Variants in PCLO observed in about 807,000 individuals in gnomAD.
PCLO encodes the protein piccolo presynaptic cytomatrix protein.
PCLO carries 82 observed loss-of-function variants against 427.5 expected under a neutral mutation model. The observed-to-expected ratio is 0.19, with a 90% CI of 0.16 to 0.23. The LOEUF (loss-of-function observed/expected upper bound fraction) is 0.23, where lower values mean the gene tolerates loss of function less well. Ranked by LOEUF, PCLO falls within the 10% of genes least tolerant of loss-of-function variation. PCLO has a pLI of 1.00. For synonymous variants in PCLO, 2,357 were observed against 2,155.4 expected (o/e 1.09, Z -2.59); for missense variants, 6,239 against 6,115.9 (o/e 1.02, Z -0.67).
At chr7:82,987,110 G>T (rs1025311158) in intron 3 of PCLO, among the ~76,000 whole-genome samples, 3 of 151,918 alleles carry the variant, frequency 2.0e-5, no homozygotes, top group Non-Finnish European at 4.4e-5. Context: ...CATGTAATTT[G>T]TGTACCTGTT....
intron 3 of PCLO, among the ~76,000 whole-genome samples, chr7:82,972,156 C>T (rs1281351914): frequency 6.6e-6 from 1 of 151,834 alleles, no homozygotes; most frequent in Non-Finnish European, 1.5e-5. Flanking sequence ...CAAATTTATT[C>T]AATTGTCAGC....
rs898279485 is a variant in PCLO at position 82,993,205 on chromosome 7, A to G, written c.3301-26718T>C. 2.0e-5 allele frequency among the ~76,000 whole-genome samples: 3 copies of G among 152,154 alleles called. No individual in the cohort carries two copies. The East Asian group carries it at 5.8e-4, about 29-fold the overall frequency. On this transcript the variant is annotated intron_variant, in intron 3 of 24. Transcript: ENST00000333891. ...CATTATAAAATTTCTTATATTGGCT[A>G]AATTTTTTCATATGTCTTACTCAAA...
At chr7:82,941,351 C>T (rs1387372030) in intron 6 of PCLO, among the ~76,000 whole-genome samples, 1 of 152,132 alleles carries the variant, frequency 6.6e-6, no homozygotes, top group Non-Finnish European at 1.5e-5. Context: ...CACCTTACCA[C>T]ACCACACTTG....
intron 6 of PCLO, among the ~76,000 whole-genome samples, chr7:82,939,084 A>G (rs943113064): frequency 6.6e-6 from 1 of 152,098 alleles, no homozygotes; most frequent in Non-Finnish European, 1.5e-5. Context: ...CCATTCTTAC[A>G]GCAAATCACT....
At chr7:83,110,496 T>C (rs1459868634) in intron 3 of PCLO, among the ~76,000 whole-genome samples, 5 of 152,124 alleles carry the variant, frequency 3.3e-5, no homozygotes, top group Non-Finnish European at 7.4e-5. Context: ...TTGTTCTTCT[T>C]TCCTGACAAA....
At chr7:82,827,430 C>T (rs2115683481) in intron 17 of PCLO, among the ~76,000 whole-genome samples, 1 of 152,044 alleles carries the variant, frequency 6.6e-6, no homozygotes, top group East Asian at 1.9e-4. Context: ...TAGGAGGCCT[C>T]AATTTAGCAA....
In PCLO at chr7:83,156,164, C is replaced by T. The variant is rs1792291888; in HGVS notation, c.477G>A (p.Glu159=). ...AGGAAACAGCACTTAAAGCGTTAAC[C>T]TCTGAGAGGAAGCCAGGCATCATAC... The part of the protein sequence containing the change: ...KSSMMPGFLS[E]VNALSAVSSV... Residue 159 remains glutamate (E), a synonymous_variant, in exon 2 of 25, where the codon GAG becomes GAA. Coordinates refer to ENST00000333891, the MANE Select transcript of PCLO (RefSeq NM_033026.6). The T allele has an allele frequency of 6.2e-7, 1 of 1,613,704 alleles. No homozygotes were observed. Among genetic ancestry groups the T allele is most frequent in the Non-Finnish European group, 8.5e-7 (1 of 1,179,762 alleles).
intron 8 of PCLO, among the ~76,000 whole-genome samples, chr7:82,907,251 T>G (rs1263351684): frequency 6.6e-6 from 1 of 152,016 alleles, no homozygotes; most frequent in East Asian, 1.9e-4. Flanking sequence ...CTAAACAAGC[T>G]GCCCTGTTTA....
intron 20 of PCLO, among the ~76,000 whole-genome samples, chr7:82,816,999 A>G (rs1249521526): frequency 6.6e-6 from 1 of 152,194 alleles, no homozygotes; most frequent in East Asian, 1.9e-4. Flanking sequence ...TTAAATGACT[A>G]TAGAAATATT....
intron 10 of PCLO, among the ~76,000 whole-genome samples, chr7:82,861,819 G>A (rs1792964048): frequency 6.6e-6 from 1 of 151,876 alleles, no homozygotes; most frequent in Non-Finnish European, 1.5e-5. Context: ...ATAACCAGAG[G>A]AATTTTGGAA....
intron 3 of PCLO, among the ~76,000 whole-genome samples, chr7:83,000,048 A>T (rs1454142470): frequency 1.3e-5 from 1 of 79,908 alleles, no homozygotes; most frequent in Non-Finnish European, 2.1e-5. Flanking sequence ...CAAAAAACAA[A>T]AAACAAACAA....
chr7:83,007,551 A>ATTATG (rs1787977916), intron 3 of PCLO, among the ~76,000 whole-genome samples: 1 of 151,800 alleles, frequency 6.6e-6, no homozygotes, highest in African/African-American at 2.4e-5. Context: ...ATAGAGAAAT[A>ATTATG]TTATGTAGCA....
intron 3 of PCLO, among the ~76,000 whole-genome samples, chr7:82,990,017 TGAGA>T (rs1796341609): frequency 6.6e-6 from 1 of 152,080 alleles, no homozygotes; most frequent in Non-Finnish European, 1.5e-5. Flanking sequence ...GATCAAGTAA[TGAGA>T]GAGACTGAAG....
chr7:82,924,653 T>A (rs544795570), intron 6 of PCLO, among the ~76,000 whole-genome samples: 4 of 152,126 alleles, frequency 2.6e-5, no homozygotes, highest in African/African-American at 9.6e-5. Flanking sequence ...ATAAGAAGGA[T>A]CAATGATGTA....
intron 6 of PCLO, among the ~76,000 whole-genome samples, chr7:82,928,508 G>A (rs2116328640): frequency 6.6e-6 from 1 of 152,204 alleles, no homozygotes; most frequent in African/African-American, 2.4e-5. Context: ...AGCCTCCCGA[G>A]TAGCTGGGAT....
chr7:83,020,581 CAAG>C (rs1329601460), intron 3 of PCLO, among the ~76,000 whole-genome samples: 5 of 152,266 alleles, frequency 3.3e-5, no homozygotes, highest in Non-Finnish European at 5.9e-5. Context: ...AAGAACATAG[CAAG>C]AAGGTCTTAC....
At chr7:83,159,745 C>T (rs1792386866) in intron 1 of PCLO, among the ~76,000 whole-genome samples, 1 of 151,844 alleles carries the variant, frequency 6.6e-6, no homozygotes, top group South Asian at 2.1e-4. Flanking sequence ...TGCTGAGTCA[C>T]ATAAAATTTT....
chr7:82,756,785 A>G lies in PCLO; in HGVS notation c.*1790T>C, dbSNP rs920610322. The G allele has an allele frequency of 3.3e-5, 5 of 152,024 alleles. No individual in the cohort carries two copies. The highest frequency in any genetic ancestry group is 6.6e-5 in the Admixed American group (1 of 15,240). 9.4% of individuals were successfully genotyped at this position (152,024 alleles called of 1,614,324 possible). On this transcript the variant is annotated 3_prime_UTR_variant, in exon 25 of 25. Transcript: ENST00000333891. ...TTGGGTGGAATATAGGACTAGGGTA[A>G]GACCAGCATTATTCATTTAATTTGG...
At chr7:82,817,119 G>A (rs184042073) in intron 20 of PCLO, among the ~76,000 whole-genome samples, 3 of 152,238 alleles carry the variant, frequency 2.0e-5, no homozygotes, top group East Asian at 3.9e-4. Flanking sequence ...TATCACCAGA[G>A]AAATAGGTAT....
Sources: gnomAD v4.1 joint callset for allele counts (sites outside exome capture counted in the v4.1 genomes callset) on GRCh38, gnomAD v4.1.1 for gene constraint, MANE v1.5 for transcripts, NCBI Gene and HGNC (gene_info 2026-07-23, HGNC 2026-07-21) for gene names.